NDNF: variants seen among roughly 807,000 people sequenced by gnomAD.
NDNF encodes protein NDNF.
NDNF carries 16 observed loss-of-function variants against 42.0 expected under a neutral mutation model. The ratio of observed to expected loss-of-function variants is 0.38; its 90% CI spans 0.26 to 0.58. The LOEUF is 0.58. Among genes scored for constraint, NDNF ranks in the 20% least tolerant of loss-of-function variants. The pLI is 0.67. For missense variants in NDNF, 616 were observed against 666.2 expected (o/e 0.92, Z 0.83); for synonymous variants, 248 against 251.7 (o/e 0.99, Z 0.14).
At chr4:121,050,507 A>C (rs11098598) in intron 1 of NDNF, among the ~76,000 whole-genome samples, 68,645 of 152,082 alleles carry the variant, frequency 0.45, 18,372 homozygotes, top group Non-Finnish European at 0.59. Context: ...ACAGCAACAA[A>C]TCTTGCTATC....
intron 1 of NDNF, among the ~76,000 whole-genome samples, chr4:121,066,151 A>C (rs947098200): frequency 5.9e-5 from 9 of 152,072 alleles, no homozygotes; most frequent in African/African-American, 1.7e-4. Flanking sequence ...TTAAATGTTT[A>C]TCTCTCATTT....
At chr4:121,043,897 A>C in intron 2 of NDNF, among the ~76,000 whole-genome samples, 1 of 152,224 alleles carries the variant, frequency 6.6e-6, no homozygotes. Flanking sequence ...GTTAAGATTA[A>C]CTTGAAGTAT....
At chr4:121,039,174 GACTATGTGTGTGTGTGTGTATATA>G (rs1726940046) in intron 3 of NDNF, among the ~76,000 whole-genome samples, 3 of 12,760 alleles carry the variant, frequency 2.4e-4, no homozygotes, top group Non-Finnish European at 3.9e-4. Context: ...TATATATAAA[GACTATGTGTGTGTGTGTGTATATA>G]TATATATATA....
rs75031295 is a variant in NDNF, at chr4:121,047,935, A to G, written c.-1-2097T>C. Among the ~76,000 whole-genome samples the G allele has an allele frequency of 4.1e-3, 629 of 152,316 alleles. 16 individuals carry two copies. In the East Asian group the frequency reaches 0.056, roughly 14 times the overall value. ...TAGACAAGGGCTATGTCTGCAAAAG[A>G]TGGCTGGATGGATCAAAATCAAGAC... is the stretch of plus-strand genomic sequence containing the variant. On this transcript the variant is annotated intron_variant, in intron 1 of 3. Coordinates refer to ENST00000379692, the MANE Select transcript of NDNF (RefSeq NM_024574.4).
chr4:121,059,038 C>A (rs1486862085), intron 1 of NDNF, among the ~76,000 whole-genome samples: 1 of 152,128 alleles, frequency 6.6e-6, no homozygotes, highest in Non-Finnish European at 1.5e-5. Context: ...TGGGCACAGG[C>A]TACTTCTTTT....
intron 1 of NDNF, among the ~76,000 whole-genome samples, chr4:121,050,252 C>A (rs916000987): frequency 6.6e-6 from 1 of 152,108 alleles, no homozygotes; most frequent in African/African-American, 2.4e-5. Context: ...TGAGAATAAA[C>A]AAATGAAAAT....
At chr4:121,039,180 GTGTGTGTGTGTGTATA>G (rs1560603173) in intron 3 of NDNF, among the ~76,000 whole-genome samples, 471 of 7,634 alleles carry the variant, frequency 0.062, 77 homozygotes, top group East Asian at 0.26. Context: ...TAAAGACTAT[GTGTGTGTGTGTGTATA>G]TATATATATA....
chr4:121,068,981 G>C (rs1235263981), intron 1 of NDNF, among the ~76,000 whole-genome samples: 5 of 152,120 alleles, frequency 3.3e-5, no homozygotes, highest in Admixed American at 3.3e-4. Context: ...AGGCTGAAGA[G>C]AATTGCTATA....
intron 2 of NDNF, among the ~76,000 whole-genome samples, chr4:121,040,443 C>T (rs576148823): frequency 6.6e-6 from 1 of 152,310 alleles, no homozygotes; most frequent in Non-Finnish European, 1.5e-5. Context: ...AGGTTTGTTG[C>T]CCTATAGGTG....
intron 2 of NDNF, among the ~76,000 whole-genome samples, chr4:121,044,241 C>A (rs1182137231): frequency 6.6e-6 from 1 of 152,118 alleles, no homozygotes; most frequent in Non-Finnish European, 1.5e-5. Flanking sequence ...GTTCAGACCA[C>A]CATCTTCCAT....
chr4:121,071,236 T>G (rs6825650), intron 1 of NDNF, among the ~76,000 whole-genome samples: 130,435 of 152,036 alleles, frequency 0.86, 56,108 homozygotes, highest in Non-Finnish European at 0.88. Flanking sequence ...GCTGGGGCCG[T>G]AGGGGGCGTC....
chr4:121,039,364 T>C (rs571135991), intron 3 of NDNF, among the ~76,000 whole-genome samples: 62 of 151,424 alleles, frequency 4.1e-4, no homozygotes, highest in Non-Finnish European at 7.4e-4. Flanking sequence ...TTTATTTTAT[T>C]TGCTCTCTAT....
chr4:121,069,204 G>A (rs1727548798), intron 1 of NDNF, among the ~76,000 whole-genome samples: 2 of 152,232 alleles, frequency 1.3e-5, no homozygotes, highest in South Asian at 4.1e-4. Flanking sequence ...GACCTACTGT[G>A]GCTATTTCCA....
At chr4:121,062,746 A>G (rs1230941028) in intron 1 of NDNF, among the ~76,000 whole-genome samples, 1 of 152,042 alleles carries the variant, frequency 6.6e-6, no homozygotes, top group East Asian at 1.9e-4. Flanking sequence ...GGGAAGCACT[A>G]AGGAAAAGGC....
chr4:121,046,061 A>C (rs570563601), intron 1 of NDNF, among the ~76,000 whole-genome samples: 2 of 152,324 alleles, frequency 1.3e-5, no homozygotes, highest in East Asian at 3.9e-4. Flanking sequence ...CAGACATTAA[A>C]AAGATTTTGA....
At chr4:121,052,078 T>C (rs1282641122) in intron 1 of NDNF, among the ~76,000 whole-genome samples, 3 of 152,220 alleles carry the variant, frequency 2.0e-5, no homozygotes, top group South Asian at 2.1e-4. Flanking sequence ...TGTGATAATA[T>C]GATCAAAACA....
chr4:121,045,570 A>G, intron 2 of NDNF, 80 bp downstream of exon 2: 2 of 1,242,678 alleles, frequency 1.6e-6, no homozygotes, highest in Non-Finnish European at 2.3e-6. Context: ...AATTACCTAA[A>G]CTAAGTCTAA....
Position 121,036,737 on chromosome 4 carries a change from T to C in NDNF, c.1234A>G (p.Lys412Glu), listed in dbSNP as rs749304815. The change falls in exon 4 of 4, where the codon AAA (lysine) becomes GAA (glutamate). Residue 412 changes from lysine to glutamate, a missense_variant. Coordinates refer to ENST00000379692, the MANE Select transcript of NDNF (RefSeq NM_024574.4). ...CGAACGAGGTATTTAGCTTTAGGTT[T>C]TCCTCTAAGCTGAAACTGCTGAATG... is the stretch of plus-strand genomic sequence containing the variant. The part of the protein sequence containing the change: ...EGIQQFQLRG[K>E]PKAKYLVRLK... 6.2e-7 allele frequency: 1 copy of C among 1,614,172 alleles called. No individual in the cohort carries two copies. The highest frequency in any genetic ancestry group is 1.7e-5 in the Admixed American group (1 of 60,016).
intron 1 of NDNF, among the ~76,000 whole-genome samples, chr4:121,068,224 T>C (rs1727533264): frequency 6.6e-6 from 1 of 152,206 alleles, no homozygotes; most frequent in Non-Finnish European, 1.5e-5. Context: ...CTTGACTGCA[T>C]GCATGCTGAG....
Sources: gnomAD v4.1 joint callset for allele counts (sites outside exome capture counted in the v4.1 genomes callset) on GRCh38, gnomAD v4.1.1 for gene constraint, MANE v1.5 for transcripts, NCBI Gene and HGNC (gene_info 2026-07-23, HGNC 2026-07-21) for gene names.